Variants in SGCZ observed in about 807,000 individuals in gnomAD.
SGCZ encodes sarcoglycan zeta, also known as zeta-sarcoglycan.
SGCZ carries 40 observed loss-of-function variants against 41.3 expected under a neutral mutation model. The ratio of observed to expected loss-of-function variants is 0.97; its 90% CI spans 0.75 to 1.26. The LOEUF (loss-of-function observed/expected upper bound fraction) is 1.26, where lower values mean the gene tolerates loss of function less well. Ranked by LOEUF, SGCZ falls within the 50% of genes most tolerant of loss-of-function variation. The pLI is 0.00. For synonymous variants in SGCZ, 206 were observed against 137.5 expected (o/e 1.50, Z -3.49); for missense variants, 552 against 369.8 (o/e 1.49, Z -4.04).
At chr8:14,365,392 C>G (rs1482398643) in intron 2 of SGCZ, among the ~76,000 whole-genome samples, 2 of 152,040 alleles carry the variant, frequency 1.3e-5, no homozygotes, top group East Asian at 3.9e-4. Flanking sequence ...TTCAGTCCCT[C>G]TAAACTCAGT....
At chr8:14,919,992 A>C (rs143160405) in intron 1 of SGCZ, among the ~76,000 whole-genome samples, 6 of 152,288 alleles carry the variant, frequency 3.9e-5, no homozygotes, top group African/African-American at 1.4e-4. Context: ...ACATCGTTGC[A>C]TGCAGGCTCA....
intron 2 of SGCZ, among the ~76,000 whole-genome samples, chr8:14,431,954 A>C (rs576307064): frequency 2.0e-5 from 3 of 152,362 alleles, no homozygotes; most frequent in African/African-American, 7.2e-5. Flanking sequence ...ATGATCTGGG[A>C]AATGCAAATC....
chr8:15,180,231 C>G (rs1800127651), intron 1 of SGCZ, among the ~76,000 whole-genome samples: 1 of 151,444 alleles, frequency 6.6e-6, no homozygotes, highest in Non-Finnish European at 1.5e-5. Context: ...CATGTTCTCC[C>G]CAGTTTATCT....
chr8:15,207,807 G>C (rs1400610654), intron 1 of SGCZ, among the ~76,000 whole-genome samples: 1 of 151,794 alleles, frequency 6.6e-6, no homozygotes, highest in African/African-American at 2.4e-5. Context: ...GGAAATGAAG[G>C]ACATTCTGAA....
intron 1 of SGCZ, among the ~76,000 whole-genome samples, chr8:14,613,046 T>C (rs918343875): frequency 2.0e-5 from 3 of 152,072 alleles, no homozygotes; most frequent in African/African-American, 4.8e-5. Flanking sequence ...AACTTAATCA[T>C]AGGGATAGGA....
At chr8:14,337,409 G>T (rs1802543575) in intron 2 of SGCZ, among the ~76,000 whole-genome samples, 1 of 152,106 alleles carries the variant, frequency 6.6e-6, no homozygotes, top group Non-Finnish European at 1.5e-5. Context: ...ATTATTTTCT[G>T]AGGGTGCTTG....
At chr8:14,274,278 T>C (rs958395425) in intron 3 of SGCZ, among the ~76,000 whole-genome samples, 7 of 151,990 alleles carry the variant, frequency 4.6e-5, no homozygotes, top group Non-Finnish European at 1.0e-4. Context: ...TTTTGTGGAG[T>C]TCACTGGAAA....
chr8:14,831,608 G>GTC (rs1292959022), intron 1 of SGCZ, among the ~76,000 whole-genome samples: 2 of 149,298 alleles, frequency 1.3e-5, no homozygotes, highest in African/African-American at 5.0e-5. Flanking sequence ...TTGTGTGTGT[G>GTC]TGTGTGTGTA....
intron 1 of SGCZ, among the ~76,000 whole-genome samples, chr8:14,755,832 C>A (rs1322795003): frequency 2.0e-5 from 3 of 151,190 alleles, no homozygotes; most frequent in African/African-American, 7.3e-5. Flanking sequence ...GGCACTATGC[C>A]ATATACAGGA....
intron 1 of SGCZ, among the ~76,000 whole-genome samples, chr8:14,902,178 G>T (rs1003237224): frequency 6.6e-6 from 1 of 152,036 alleles, no homozygotes; most frequent in Non-Finnish European, 1.5e-5. Flanking sequence ...ATTTCTGGAG[G>T]GTTCATTCTG....
chr8:14,561,159 C>T (rs1017486277), intron 1 of SGCZ, among the ~76,000 whole-genome samples: 1 of 152,092 alleles, frequency 6.6e-6, no homozygotes, highest in Non-Finnish European at 1.5e-5. Context: ...AGTGATTATG[C>T]AAACTATCCT....
intron 1 of SGCZ, among the ~76,000 whole-genome samples, chr8:14,793,528 T>G (rs763515814): frequency 6.6e-6 from 1 of 151,872 alleles, no homozygotes; most frequent in African/African-American, 2.4e-5. Flanking sequence ...ACTCAAAAGG[T>G]GGTAGATAGA....
intron 2 of SGCZ, among the ~76,000 whole-genome samples, chr8:14,391,200 C>T (rs1804757416): frequency 6.6e-6 from 1 of 151,968 alleles, no homozygotes; most frequent in African/African-American, 2.4e-5. Context: ...GTAAGACTGG[C>T]CAAACAAAAT....
intron 2 of SGCZ, among the ~76,000 whole-genome samples, chr8:14,358,689 G>C (rs565156661): frequency 6.6e-6 from 1 of 152,202 alleles, no homozygotes; most frequent in East Asian, 1.9e-4. Flanking sequence ...TTGGTTCACT[G>C]CAACTTCCAC....
intron 1 of SGCZ, among the ~76,000 whole-genome samples, chr8:15,096,099 A>G (rs1177524066): frequency 6.6e-6 from 1 of 152,008 alleles, no homozygotes; most frequent in Non-Finnish European, 1.5e-5. Flanking sequence ...TTTTTTTGAG[A>G]TGGAGTCTTG....
intron 2 of SGCZ, among the ~76,000 whole-genome samples, chr8:14,532,263 G>C (rs934809224): frequency 2.6e-5 from 4 of 151,942 alleles, no homozygotes; most frequent in African/African-American, 9.7e-5. Context: ...AATTTCAATT[G>C]CAAGAATATA....
At chr8:14,813,878 T>C (rs551033742) in intron 1 of SGCZ, among the ~76,000 whole-genome samples, 1 of 152,168 alleles carries the variant, frequency 6.6e-6, no homozygotes, top group South Asian at 2.1e-4. Flanking sequence ...ACTTGAACCC[T>C]GGAGGCAGAG....
At chr8:14,807,891 C>T (rs1801599022) in intron 1 of SGCZ, among the ~76,000 whole-genome samples, 1 of 152,018 alleles carries the variant, frequency 6.6e-6, no homozygotes, top group Non-Finnish European at 1.5e-5. Flanking sequence ...AGATATAGAT[C>T]AATGGAACAG....
chr8:14,742,298 C>T (rs1159500398), intron 1 of SGCZ, among the ~76,000 whole-genome samples: 1 of 152,032 alleles, frequency 6.6e-6, no homozygotes, highest in African/African-American at 2.4e-5. Context: ...AGCACTTATG[C>T]ACGTGCACGC....
Sources: allele counts gnomAD v4.1 joint callset (sites outside exome capture counted in the v4.1 genomes callset), GRCh38; gene constraint gnomAD v4.1.1; transcripts MANE v1.5; gene names NCBI Gene and HGNC (gene_info 2026-07-23, HGNC 2026-07-21).